The following CTNND2 variants were observed in gnomAD, a reference collection of about 807,000 sequenced individuals.
CTNND2 encodes the protein catenin delta-2.
CTNND2 carries 22 observed loss-of-function variants against 144.4 expected under a neutral mutation model. The observed-to-expected ratio is 0.15, with a 90% CI of 0.11 to 0.22. The LOEUF (loss-of-function observed/expected upper bound fraction) is 0.22. Ranked by LOEUF, CTNND2 falls within the 10% of genes least tolerant of loss-of-function variation. The pLI, the probability that CTNND2 is intolerant of heterozygous loss-of-function variation, is 1.00. For missense variants in CTNND2, 1,353 were observed against 1,618.8 expected, an observed-to-expected ratio of 0.84 and a Z score of 2.82; for synonymous variants, 751 against 695.6, an observed-to-expected ratio of 1.08 and a Z score of -1.25.
chr5:11,572,936 T>G (rs184774802), intron 2 of CTNND2, among the ~76,000 whole-genome samples: 1 of 152,302 alleles, frequency 6.6e-6, no homozygotes, highest in East Asian at 1.9e-4. Flanking sequence ...CTGAAGTATT[T>G]AATTAGAAAG....
At chr5:11,334,277 T>C (rs1184223682) in intron 9 of CTNND2, among the ~76,000 whole-genome samples, 2 of 152,208 alleles carry the variant, frequency 1.3e-5, no homozygotes, top group African/African-American at 2.4e-5. Context: ...AATAATGATG[T>C]ACTATATATG....
At chr5:11,261,170 A>C (rs1561112291) in intron 9 of CTNND2, among the ~76,000 whole-genome samples, 1 of 152,104 alleles carries the variant, frequency 6.6e-6, no homozygotes, top group East Asian at 1.9e-4. Context: ...AAAAACTAAA[A>C]AATTAAAATT....
chr5:11,264,317 T>C (rs1009406952), intron 9 of CTNND2, among the ~76,000 whole-genome samples: 6 of 152,288 alleles, frequency 3.9e-5, no homozygotes, highest in Middle Eastern at 6.8e-3. Flanking sequence ...TGAGGTCATA[T>C]TGGATTAGGG....
At chr5:11,885,624 C>G (rs1208311362) in intron 1 of CTNND2, among the ~76,000 whole-genome samples, 1 of 152,094 alleles carries the variant, frequency 6.6e-6, no homozygotes, top group East Asian at 1.9e-4. Flanking sequence ...AACGGACAGA[C>G]AGAAATTCAA....
intron 1 of CTNND2, among the ~76,000 whole-genome samples, chr5:11,782,817 A>G (rs1048841614): frequency 3.3e-5 from 5 of 152,298 alleles, no homozygotes; most frequent in Admixed American, 1.3e-4. Flanking sequence ...ACATGCTTAT[A>G]ATCAAGTCCC....
chr5:11,448,898 T>G (rs1222619791), intron 3 of CTNND2, among the ~76,000 whole-genome samples: 1 of 152,112 alleles, frequency 6.6e-6, no homozygotes, highest in Non-Finnish European at 1.5e-5. Context: ...AGATGGGGTT[T>G]CACTATGTTG....
At chr5:11,796,207 T>C (rs1444137029) in intron 1 of CTNND2, among the ~76,000 whole-genome samples, 1 of 152,200 alleles carries the variant, frequency 6.6e-6, no homozygotes, top group African/African-American at 2.4e-5. Flanking sequence ...CAACCTCAAC[T>C]GCATCTGCCA....
intron 18 of CTNND2, among the ~76,000 whole-genome samples, chr5:10,999,044 A>G (rs1001468486): frequency 1.3e-5 from 2 of 152,272 alleles, no homozygotes; most frequent in East Asian, 1.9e-4. Context: ...ATCAATCACC[A>G]CTCATTACAA....
rs760346142 is a variant in CTNND2 at position 11,184,410 on chromosome 5, C to T, written c.1975+15038G>A. 9.9e-5 allele frequency among the ~76,000 whole-genome samples: 15 copies of T among 152,224 alleles called. 1 individual carries two copies. Among genetic ancestry groups the T allele is most frequent in the Admixed American group, 3.3e-4 (5 of 15,296 alleles). On this transcript the variant is annotated intron_variant, in intron 11 of 21. Transcript: ENST00000304623. ...ACAGAGCAGGTATGCCACTTGAAAA[C>T]AGAATTGCACTTATGAATTAAAATC...
intron 2 of CTNND2, among the ~76,000 whole-genome samples, chr5:11,711,798 G>A (rs774042430): frequency 7.2e-5 from 11 of 152,082 alleles, no homozygotes; most frequent in African/African-American, 1.7e-4. Flanking sequence ...CTAGCCACAC[G>A]GCCTTAAGTA....
intron 16 of CTNND2, among the ~76,000 whole-genome samples, chr5:11,035,962 T>C (rs1252085969): frequency 6.6e-6 from 1 of 152,042 alleles, no homozygotes; most frequent in Non-Finnish European, 1.5e-5. Flanking sequence ...CTACTGCAAA[T>C]GTTACATGAG....
At position 11,825,824 on chromosome 5, in the gene CTNND2, C is replaced by T. The variant is rs986995685; in HGVS notation, c.37+77993G>A. Among the ~76,000 whole-genome samples the T allele has an allele frequency of 3.9e-5, 6 of 151,914 alleles. No individual in the cohort carries two copies. In the East Asian group the frequency reaches 7.7e-4, roughly 19 times the overall value. On this transcript the variant is annotated intron_variant, in intron 1 of 21. Transcript: ENST00000304623. ...TGAAATTATGAAAGGCAAATAACAACGATGCAACACTTTGAAGGGCTGAAG... is the reference window on the plus strand; with the variant it reads ...TGAAATTATGAAAGGCAAATAACAATGATGCAACACTTTGAAGGGCTGAAG...
At chr5:11,370,626 T>G (rs1393191631) in intron 7 of CTNND2, among the ~76,000 whole-genome samples, 3 of 152,262 alleles carry the variant, frequency 2.0e-5, no homozygotes, top group Non-Finnish European at 4.4e-5. Context: ...CTCTATAATC[T>G]ATGACTCTCT....
rs753453547 is a variant in CTNND2 at position 11,018,110 on chromosome 5, C to T, written c.3000-52G>A. On this transcript the variant is annotated intron_variant, in intron 17 of 21. Transcript: ENST00000304623. ...AGATGTGAGTGGGACAGCTGTGTCA[C>T]ATTTCTGTAATTCTTGTAGTATTTC... 4.1e-6 allele frequency: 5 copies of T among 1,225,962 alleles called. No individual in the cohort carries two copies. The South Asian group carries it at 4.8e-5, about 12-fold the overall frequency. The allele number at this position is 1,225,962 out of a possible 1,614,324, so 75.9% of individuals were successfully genotyped here. A position where few individuals can be genotyped will look rare whatever the true frequency, so the allele number is the denominator to read the frequency against.
At chr5:11,849,030 G>A (rs1179516871) in intron 1 of CTNND2, among the ~76,000 whole-genome samples, 3 of 152,036 alleles carry the variant, frequency 2.0e-5, no homozygotes, top group Non-Finnish European at 2.9e-5. Flanking sequence ...ACAGTGTATT[G>A]GTCCATTTTC....
chr5:11,836,250 A>G (rs1794168436), intron 1 of CTNND2, among the ~76,000 whole-genome samples: 1 of 152,230 alleles, frequency 6.6e-6, no homozygotes, highest in Non-Finnish European at 1.5e-5. Context: ...ATAAAAAAGC[A>G]TTGGAGACTA....
intron 1 of CTNND2, among the ~76,000 whole-genome samples, chr5:11,844,222 G>T (rs1224302673): frequency 6.6e-6 from 1 of 151,998 alleles, no homozygotes; most frequent in Non-Finnish European, 1.5e-5. Context: ...TGTTACTTAG[G>T]GATGAACATC....
At chr5:11,584,271 C>T (rs74976953) in intron 2 of CTNND2, among the ~76,000 whole-genome samples, 4,184 of 152,142 alleles carry the variant, frequency 0.028, 169 homozygotes, top group African/African-American at 0.092. Context: ...AACACGTATG[C>T]AAATGTTACT....
intron 10 of CTNND2, among the ~76,000 whole-genome samples, chr5:11,229,675 T>C (rs1018567727): frequency 2.0e-4 from 30 of 149,914 alleles, no homozygotes; most frequent in African/African-American, 7.3e-4. Context: ...TGTGTGTGTA[T>C]ATATATAACT....
Sources: gnomAD v4.1 joint callset for allele counts (sites outside exome capture counted in the v4.1 genomes callset) on GRCh38, gnomAD v4.1.1 for gene constraint, MANE v1.5 for transcripts, NCBI Gene and HGNC (gene_info 2026-07-23, HGNC 2026-07-21) for gene names.